Variants in IDO2 observed in about 807,000 individuals in gnomAD.
IDO2 encodes the protein indoleamine 2,3-dioxygenase 2, also known as indoleamine 2,3-dioxygenase-like 1 protein.
IDO2 carries 46 observed loss-of-function variants against 45.1 expected under a neutral mutation model. The observed-to-expected ratio is 1.02, with a 90% confidence interval of 0.80 to 1.30. IDO2 has a LOEUF of 1.30. IDO2 is among the 50% of genes most tolerant of loss of function. The pLI is 0.00. For missense variants in IDO2, 544 were observed against 491.8 expected, an observed-to-expected ratio of 1.11 and a Z score of -1.00; for synonymous variants, 218 against 184.9, an observed-to-expected ratio of 1.18 and a Z score of -1.45.
At chr8:40,015,594 C>G (rs768546107) in exon 11 of IDO2, 1 of 1,609,076 alleles carries the variant, frequency 6.2e-7, no homozygotes, top group Non-Finnish European at 8.5e-7. Context: ...CCTTCACCCA[C>G]GTGGTTAGGA....
Position 39,943,463 on chromosome 8 carries a change from C to T in IDO2, c.-17-5686C>T, listed in dbSNP as rs147520545. 2.5e-3 allele frequency among the ~76,000 whole-genome samples: 373 copies of T among 152,064 alleles called. 1 individual carries two copies. Among genetic ancestry groups the T allele is most frequent in the Non-Finnish European group, 4.5e-3 (303 of 67,980 alleles). On this transcript the variant is annotated intron_variant, in intron 1 of 10. Transcript: ENST00000502986. The stretch of plus-strand genomic sequence containing the variant: ...TGTAAGAAACCTATAGCTGGCCGGG[C>T]GCGGTGGCTCAAGCCTGTAATCCCA...
rs781308313 is a variant in IDO2 at position 39,979,068 on chromosome 8, T to A, written c.197T>A (p.Met66Lys). ...CGGCATTTGGACTTTCATGAACAGA[T>A]GCCCCTGCTGAGCTGCCAGTTCCTG... is the stretch of plus-strand genomic sequence containing the variant. The change falls in exon 4 of 11, where the codon ATG becomes AAG. Residue 66 changes from methionine (M) to lysine (K), a missense_variant and splice_region_variant. Coordinates refer to ENST00000502986, the Ensembl canonical transcript of IDO2. The A allele has an allele frequency of 7.6e-6, 12 of 1,578,706 alleles. No homozygotes were observed. The East Asian group carries it at 2.8e-4, about 37-fold the overall frequency.
intron 9 of IDO2, among the ~76,000 whole-genome samples, chr8:40,010,565 T>C (rs984010931): frequency 2.0e-5 from 3 of 152,190 alleles, no homozygotes; most frequent in African/African-American, 7.2e-5. Context: ...AAGCGATCAT[T>C]ACAATCCAGG....
At chr8:40,004,328 A>G (rs1802182738) in intron 8 of IDO2, among the ~76,000 whole-genome samples, 1 of 152,156 alleles carries the variant, frequency 6.6e-6, no homozygotes, top group African/African-American at 2.4e-5. Flanking sequence ...AAGACTACGT[A>G]TGTTGGTTGG....
intron 8 of IDO2, among the ~76,000 whole-genome samples, chr8:40,001,342 T>C (rs2909326): frequency 0.55 from 81,614 of 148,884 alleles, 22,712 homozygotes; most frequent in Middle Eastern, 0.65. Context: ...CTCCACTTCC[T>C]GGGTTCGAGC....
chr8:39,987,870 G>T lies in IDO2; in HGVS notation c.450-1G>T. 2 of 1,594,602 alleles carry T rather than the reference G, an allele frequency of 1.3e-6. No individual in the cohort carries two copies. Among genetic ancestry groups the T allele is most frequent in the South Asian group, 2.3e-5 (2 of 88,808 alleles). On this transcript the variant is annotated splice_acceptor_variant, in intron 6 of 10. Transcript: ENST00000502986. LOFTEE classifies it high-confidence loss of function. ...AATCATGTGCTCCTCTCCTTCCCAA[G>T]GAACCTGGAGACCATCATCTCATTT...
chr8:40,003,106 G>T (rs141270166), intron 8 of IDO2, among the ~76,000 whole-genome samples: 35 of 152,050 alleles, frequency 2.3e-4, no homozygotes, highest in South Asian at 1.9e-3. Context: ...CATGAACATG[G>T]TATAAGAGAG....
intron 3 of IDO2, among the ~76,000 whole-genome samples, chr8:39,966,381 T>C (rs1808086187): frequency 6.6e-6 from 1 of 152,168 alleles, no homozygotes; most frequent in Non-Finnish European, 1.5e-5. Context: ...GGCCAGTTTT[T>C]AGACTTTACC....
At chr8:39,958,544 C>T (rs562697151) in intron 2 of IDO2, among the ~76,000 whole-genome samples, 35 of 152,344 alleles carry the variant, frequency 2.3e-4, no homozygotes, top group African/African-American at 8.4e-4. Flanking sequence ...TTACAGACGT[C>T]TGCCACCACA....
At chr8:39,962,360 C>T (rs1808011729) in intron 2 of IDO2, among the ~76,000 whole-genome samples, 1 of 152,178 alleles carries the variant, frequency 6.6e-6, no homozygotes, top group Non-Finnish European at 1.5e-5. Context: ...ATTTTAAAGG[C>T]TTCCTTATCT....
intron 9 of IDO2, among the ~76,000 whole-genome samples, chr8:40,011,652 T>C (rs1802312438): frequency 6.6e-6 from 1 of 152,126 alleles, no homozygotes; most frequent in Non-Finnish European, 1.5e-5. Flanking sequence ...AAGAATATGA[T>C]AAAATGGCTA....
Position 39,985,515 on chromosome 8 carries a change from GA to G in IDO2, c.445del (p.Ile149LeufsTer22), listed in dbSNP as rs1425608873. On this transcript the variant is annotated frameshift_variant, in exon 6 of 11. Transcript: ENST00000502986. LOFTEE classifies it high-confidence loss of function. ...TAACTGAAATTGGGCTAGATTCCTG[GA>G]AATTGGGTAAGTTCTCAGAAATCAT... 7 of 1,565,084 alleles carry G rather than the reference GA, an allele frequency of 4.5e-6. No individual in the cohort carries two copies. Among genetic ancestry groups the G allele is most frequent in the Admixed American group, 1.9e-5 (1 of 52,888 alleles).
chr8:39,984,868 G>A, intron 5 of IDO2: 1 of 425,226 alleles, frequency 2.4e-6, no homozygotes, highest in Non-Finnish European at 4.6e-6. Context: ...GAATCAACTA[G>A]CTAGAATAAA....
intron 9 of IDO2, among the ~76,000 whole-genome samples, chr8:40,011,018 C>T (rs562801707): frequency 6.6e-6 from 1 of 152,338 alleles, no homozygotes; most frequent in South Asian, 2.1e-4. Flanking sequence ...TCAAGCGATA[C>T]TCCTGCCTCA....
chr8:39,980,735 T>C (rs1316137336), intron 4 of IDO2, among the ~76,000 whole-genome samples: 1 of 152,020 alleles, frequency 6.6e-6, no homozygotes, highest in Non-Finnish European at 1.5e-5. Context: ...TATTTGTCAA[T>C]GCATCTCTTT....
intron 3 of IDO2, among the ~76,000 whole-genome samples, chr8:39,965,572 A>G (rs973222781): frequency 6.6e-6 from 1 of 152,182 alleles, no homozygotes; most frequent in Non-Finnish European, 1.5e-5. Flanking sequence ...CCTAGAAGTC[A>G]TGTTCATGCA....
At chr8:39,992,700 G>A (rs1801956973) in intron 8 of IDO2, among the ~76,000 whole-genome samples, 1 of 152,146 alleles carries the variant, frequency 6.6e-6, no homozygotes, top group South Asian at 2.1e-4. Flanking sequence ...GTGATAAATA[G>A]AGCTTGGCTG....
intron 8 of IDO2, among the ~76,000 whole-genome samples, chr8:40,001,245 A>ATTTTTTTTT (rs1187145007): frequency 1.1e-5 from 1 of 94,468 alleles, no homozygotes; most frequent in Non-Finnish European, 1.8e-5. Context: ...GGCTTTCCTC[A>ATTTTTTTTT]TTTTTTTTTT....
chr8:39,965,036 C>T (rs1181616554), intron 3 of IDO2, among the ~76,000 whole-genome samples: 7 of 152,138 alleles, frequency 4.6e-5, no homozygotes, highest in Non-Finnish European at 8.8e-5. Context: ...GGTCGTCTGC[C>T]GTAGGCATTT....
Sources: gnomAD v4.1 joint callset for allele counts (sites outside exome capture counted in the v4.1 genomes callset) on GRCh38, gnomAD v4.1.1 for gene constraint, MANE v1.5 for transcripts, NCBI Gene and HGNC (gene_info 2026-07-23, HGNC 2026-07-21) for gene names.